ABCA7: variants seen among roughly 807,000 people sequenced by gnomAD.
ABCA7 encodes ATP binding cassette subfamily A member 7, also known as phospholipid-transporting ATPase ABCA7.
Under a neutral mutation model 227.6 loss-of-function variants are expected in ABCA7, and 261 were observed. The ratio of observed to expected loss-of-function variants is 1.15; its 90% CI spans 1.04 to 1.27. ABCA7 has a LOEUF of 1.27. Ranked by LOEUF, ABCA7 falls within the 50% of genes most tolerant of loss-of-function variation. The pLI is 0.00. For synonymous variants in ABCA7, 1,488 were observed against 1,279.7 expected (o/e 1.16, Z -3.47); for missense variants, 3,331 against 2,924.5 (o/e 1.14, Z -3.21).
chr19:1,042,111 G>C lies in ABCA7; in HGVS notation c.350G>C (p.Ser117Thr). 6.3e-7 allele frequency: 1 copy of C among 1,599,038 alleles called. No individual in the cohort carries two copies. Among genetic ancestry groups the C allele is most frequent in the Non-Finnish European group, 8.5e-7 (1 of 1,179,018 alleles). Residue 117 changes from serine to threonine, a missense_variant, in exon 5 of 47, where the codon AGT (serine) becomes ACT (threonine). By Grantham distance (58) the Ser-to-Thr change is moderately conservative. Transcript: ENST00000263094. The part of the protein sequence containing the change: ...ADARTVLGGA[S>T]AHRTLAGLGK... The stretch of plus-strand genomic sequence containing the variant: ...GCCCGCACTGTGCTGGGAGGGGCCA[G>C]TGCCCACAGGACGCTGGCTGGCCTA...
chr19:1,061,699 CAA>C (rs397859882), intron 40 of ABCA7, 81 bp from the exon 41 acceptor site: 18,050 of 1,025,262 alleles, frequency 0.018, no homozygotes, highest in East Asian at 0.024. Context: ...AACTTGGTCT[CAA>C]AAAAAAAAAA....
At position 1,058,313 on chromosome 19, in the gene ABCA7, G is replaced by T. The variant is rs2042425491; in HGVS notation, c.5149+44G>T. 6 of 1,608,260 alleles carry T rather than the reference G, an allele frequency of 3.7e-6. No homozygotes were observed. The African/African-American group carries it at 8.0e-5, about 22-fold the overall frequency. On this transcript the variant is annotated intron_variant, in intron 37 of 46. Coordinates refer to ENST00000263094, the MANE Select transcript of ABCA7 (RefSeq NM_019112.4). Reference sequence around the variant, plus strand: ...GTGGGGCCATGGCTACAGATAGCTAGCACCCTTGGAGACCTAGAGTTAATT... The same window carrying T: ...GTGGGGCCATGGCTACAGATAGCTATCACCCTTGGAGACCTAGAGTTAATT...
Position 1,053,489 on chromosome 19 carries a change from G to T in ABCA7, c.3381G>T (p.Leu1127=). The change falls in exon 24 of 47, where the codon CTG becomes CTT. Residue 1127 remains leucine (L), a synonymous_variant. Coordinates refer to ENST00000263094, the MANE Select transcript of ABCA7 (RefSeq NM_019112.4). The part of the protein sequence containing the change: ...FRELDTRLAE[L]RLTGYGISDT... ...AGCTAGACACGCGGCTGGCGGAGCT[G>T]AGGCTCACTGGCTACGGGATCTCCG... The T allele has an allele frequency of 6.3e-7, 1 of 1,584,346 alleles. No homozygotes were observed. Among genetic ancestry groups the T allele is most frequent in the East Asian group, 2.3e-5 (1 of 43,210 alleles).
rs374324671 is a variant in ABCA7, at chr19:1,047,213, C to T, written c.1902C>T (p.Ala634=). ...HPGVVFLFLA[A]FAVATVTQSF... is the part of the protein sequence containing the mutation. ...GCGTGGTCTTCCTGTTCTTGGCAGC[C>T]TTCGCGGTGGCCACGGTGACCCAGA... Residue 634 remains alanine (A), a synonymous_variant, in exon 15 of 47, where the codon GCC becomes GCT. Coordinates refer to ENST00000263094, the MANE Select transcript of ABCA7 (RefSeq NM_019112.4). 36 of 1,609,022 alleles carry T rather than the reference C, an allele frequency of 2.2e-5. No individual in the cohort carries two copies. The African/African-American group carries it at 4.3e-4, about 19-fold the overall frequency.
chr19:1,056,812 C>G lies in ABCA7; in HGVS notation c.4587-95C>G, dbSNP rs1188203298. On this transcript the variant is annotated intron_variant, in intron 33 of 46. Transcript: ENST00000263094. The surrounding 1 kb of genome is among the most constrained non-coding windows in gnomAD (Gnocchi z 4.3). Reference sequence around the variant, plus strand: ...GCCATCTCTGCCACTGCTGACTGCCCCATAGACCTTTGTCCCATCAATGGC... The same window carrying G: ...GCCATCTCTGCCACTGCTGACTGCCGCATAGACCTTTGTCCCATCAATGGC... 2.9e-6 allele frequency: 4 copies of G among 1,379,206 alleles called. No individual in the cohort carries two copies. The highest frequency in any genetic ancestry group is 4.0e-6 in the Non-Finnish European group (4 of 995,902). The allele number at this position is 1,379,206 out of a possible 1,614,324, so 85.4% of individuals were successfully genotyped here.
chr19:1,053,733 GC>G (rs1555694016), intron 24 of ABCA7, 54 bp from the exon 25 acceptor site: 2 of 1,575,376 alleles, frequency 1.3e-6, no homozygotes, highest in Non-Finnish European at 1.7e-6. Context: ...GGGCTCACAA[GC>G]CCCCAGTTCT....
chr19:1,055,500 T>A (rs1466825688), intron 30 of ABCA7, 149 bp downstream of exon 30: 63 of 50,806 alleles, frequency 1.2e-3, no homozygotes, highest in Non-Finnish European at 1.7e-3. Context: ...TCCTTTCCTC[T>A]TTTTTTTTTT....
rs750310812 is a variant in ABCA7 at position 1,046,261 on chromosome 19, C to G, written c.1477C>G (p.Leu493Val). 161 of 1,607,086 alleles carry G rather than the reference C, an allele frequency of 1.0e-4. 1 individual carries two copies. The highest frequency in any genetic ancestry group is 1.3e-4 in the Non-Finnish European group (152 of 1,179,790). The change falls in exon 13 of 47, where the codon CTG (leucine) becomes GTG (valine). Residue 493 changes from leucine to valine, a missense_variant. Transcript: ENST00000263094. ...FWDPGPAADP[L>V]TDLRYVWGGF... ...GGACCCTGGCCCAGCCGCGGACCCC[C>G]TGACCGACCTGCGCTACGTGTGGGG...
chr19:1,064,142 T>A lies in ABCA7; in HGVS notation c.5952-19T>A. The stretch of plus-strand genomic sequence containing the variant: ...GGTGGCCCCGGCCTCACGGAGCTCG[T>A]GGTGCCGGGTCCCGACAGCATGGAG... On this transcript the variant is annotated intron_variant, in intron 44 of 46. Transcript: ENST00000263094. The A allele has an allele frequency of 6.5e-7, 1 of 1,542,248 alleles. No individual in the cohort carries two copies. The highest frequency in any genetic ancestry group is 8.7e-7 in the Non-Finnish European group (1 of 1,143,258).
At chr19:1,040,391 C>T (rs2039900814) in intron 1 of ABCA7, among the ~76,000 whole-genome samples, 195 bp downstream of exon 1, 1 of 152,146 alleles carries the variant, frequency 6.6e-6, no homozygotes, top group Non-Finnish European at 1.5e-5. Flanking sequence ...GGGCCTTTGC[C>T]GATCACACAC....
chr19:1,051,609 G>C (rs560346295), intron 21 of ABCA7, 23 bp downstream of exon 21: 7 of 1,597,286 alleles, frequency 4.4e-6, no homozygotes, highest in African/African-American at 1.3e-5. Flanking sequence ...GATTCTGCTC[G>C]AGGGGCCAGA....
intron 42 of ABCA7, among the ~76,000 whole-genome samples, chr19:1,062,924 C>T (rs1308339082): frequency 6.9e-6 from 1 of 144,106 alleles, no homozygotes; most frequent in African/African-American, 2.6e-5. Flanking sequence ...GCCCCATACT[C>T]ATGCTGGCTC....
chr19:1,057,291 G>C (rs768043395), intron 34 of ABCA7, 23 bp from the exon 35 acceptor site: 1 of 1,612,230 alleles, frequency 6.2e-7, no homozygotes, highest in Non-Finnish European at 8.5e-7. Context: ...GGCTGATAAA[G>C]GTAACTGCCA....
At chr19:1,053,007 C>T (rs1368207277) in intron 23 of ABCA7, among the ~76,000 whole-genome samples, 1 of 152,104 alleles carries the variant, frequency 6.6e-6, no homozygotes, top group African/African-American at 2.4e-5. Flanking sequence ...ATTTCTCCTC[C>T]CTCAGCCTCT....
chr19:1,056,967 C>G lies in ABCA7; in HGVS notation c.4647C>G (p.Val1549=). 6.2e-7 allele frequency: 1 copy of G among 1,614,096 alleles called. No homozygotes were observed. Among genetic ancestry groups the G allele is most frequent in the Non-Finnish European group, 8.5e-7 (1 of 1,180,016 alleles). Residue 1549 remains valine (V), a synonymous_variant, in exon 34 of 47, where the codon GTC becomes GTG. Coordinates refer to ENST00000263094, the MANE Select transcript of ABCA7 (RefSeq NM_019112.4). The surrounding 1 kb of genome is among the most constrained non-coding windows in gnomAD (Gnocchi z 4.3). ...SICVVFAMSF[V]PASFTLVLIE... ...GTGTGGTCTTTGCCATGTCCTTTGTCCCGGCCAGCTTCACTCTTGTCCTCA... is the reference window on the plus strand; with the variant it reads ...GTGTGGTCTTTGCCATGTCCTTTGTGCCGGCCAGCTTCACTCTTGTCCTCA...
At chr19:1,057,190 G>A in intron 34 of ABCA7, 106 bp downstream of exon 34, 1 of 1,549,206 alleles carries the variant, frequency 6.5e-7, no homozygotes, top group Non-Finnish European at 8.8e-7. Context: ...GTAAAGTCTT[G>A]AGGATTGTGG....
rs1017248623 is a variant in ABCA7 at position 1,042,331 on chromosome 19, C to A, written c.432C>A (p.Thr144=). The change falls in exon 6 of 47, where the codon ACC becomes ACA. Residue 144 remains threonine, a synonymous_variant. Coordinates refer to ENST00000263094, the MANE Select transcript of ABCA7 (RefSeq NM_019112.4). ...AARSTAQPQP[T]KQSPLEPPML... is the part of the protein sequence containing the mutation. ...CTCCCCCAGCCCAGCCTCAACCAAC[C>A]AAGCAGTCTCCACTGGAACCACCCA... The A allele has an allele frequency of 1.3e-6, 2 of 1,582,934 alleles. No individual in the cohort carries two copies. The highest frequency in any genetic ancestry group is 2.7e-5 in the African/African-American group (2 of 74,548).
rs374363190 is a variant in ABCA7, at chr19:1,051,442, C to T, written c.2825-7C>T. The T allele has an allele frequency of 8.9e-5, 140 of 1,571,324 alleles. No homozygotes were observed. The highest frequency in any genetic ancestry group is 1.2e-4 in the Non-Finnish European group (136 of 1,155,946). Reference sequence around the variant, plus strand: ...ACACACTGAGGTCCCTTCCCCATCTCTACCAGGTGGGATGCAACGGAAGCT... The same window carrying T: ...ACACACTGAGGTCCCTTCCCCATCTTTACCAGGTGGGATGCAACGGAAGCT... On this transcript the variant is annotated splice_region_variant and splice_polypyrimidine_tract_variant and intron_variant, in intron 20 of 46. Transcript: ENST00000263094.
chr19:1,054,224 TG>T lies in ABCA7; in HGVS notation c.3612del (p.Pro1205GlnfsTer12), dbSNP rs781266803. 46 of 1,608,338 alleles carry T rather than the reference TG, an allele frequency of 2.9e-5. No individual in the cohort carries two copies. In the Middle Eastern group the frequency reaches 4.9e-4, roughly 17 times the overall value. ...GSAPETDQGS[G>X]PDAVGRVQGW... ...CAGCCCCAGAGACTGACCAGGGCTC[TG>T]GGCCAGACGCCGTGGGCCGGGTACA... On this transcript the variant is annotated frameshift_variant, in exon 27 of 47. Transcript: ENST00000263094. LOFTEE classifies it high-confidence loss of function. This position sits in a 1 kb window ranked among gnomAD's most constrained non-coding sequence, Gnocchi z 4.8.
Sources: allele counts gnomAD v4.1 joint callset (sites outside exome capture counted in the v4.1 genomes callset), GRCh38; gene constraint gnomAD v4.1.1; non-coding constraint Gnocchi (gnomAD v3.1); transcripts MANE v1.5; gene names NCBI Gene and HGNC (gene_info 2026-07-23, HGNC 2026-07-21).